Variants in MAGI2 observed in about 807,000 individuals in gnomAD.
MAGI2 encodes the protein membrane associated guanylate kinase, WW and PDZ domain containing 2, also known as membrane-associated guanylate kinase, WW and PDZ domain-containing protein 2.
MAGI2 carries 35 observed loss-of-function variants against 133.3 expected under a neutral mutation model. That is an observed-to-expected ratio of 0.26 (90% CI 0.20 to 0.35). The LOEUF (loss-of-function observed/expected upper bound fraction) is 0.35, where lower values mean the gene tolerates loss of function less well. Among genes scored for constraint, MAGI2 ranks in the 10% least tolerant of loss-of-function variants. The probability of loss-of-function intolerance (pLI) is 1.00; values close to 1 mark genes in which losing one functional copy is unlikely to be tolerated. For synonymous variants in MAGI2, 729 were observed against 710.6 expected (o/e 1.03, Z -0.41); for missense variants, 1,636 against 1,863.4 (o/e 0.88, Z 2.25).
chr7:78,770,418 A>T (rs552174462), intron 2 of MAGI2, among the ~76,000 whole-genome samples: 7 of 152,332 alleles, frequency 4.6e-5, no homozygotes, highest in African/African-American at 1.7e-4. Flanking sequence ...TTACGTGGGA[A>T]ATAAAGATAA....
intron 3 of MAGI2, among the ~76,000 whole-genome samples, chr7:78,600,907 A>G (rs1805130889): frequency 6.6e-6 from 1 of 152,222 alleles, no homozygotes; most frequent in Admixed American, 6.5e-5. Context: ...GAAGTTGAAA[A>G]TGATTGCCTC....
intron 1 of MAGI2, among the ~76,000 whole-genome samples, chr7:79,339,077 G>T (rs762053175): frequency 6.6e-5 from 10 of 152,074 alleles, no homozygotes; most frequent in Non-Finnish European, 1.3e-4. Flanking sequence ...GGAGGAGCAT[G>T]ATATTTATTT....
At chr7:78,658,428 C>G (rs1199917228) in intron 2 of MAGI2, among the ~76,000 whole-genome samples, 1 of 152,146 alleles carries the variant, frequency 6.6e-6, no homozygotes, top group Non-Finnish European at 1.5e-5. Context: ...AATTCTTAGA[C>G]TTGACACCAA....
intron 7 of MAGI2, among the ~76,000 whole-genome samples, chr7:78,363,347 G>C (rs961663481): frequency 6.6e-6 from 1 of 152,092 alleles, no homozygotes; most frequent in Non-Finnish European, 1.5e-5. Context: ...CAAAAAATTA[G>C]CAGGGCGCGG....
At chr7:78,367,242 T>C (rs1037701256) in intron 7 of MAGI2, among the ~76,000 whole-genome samples, 1 of 152,108 alleles carries the variant, frequency 6.6e-6, no homozygotes, top group Non-Finnish European at 1.5e-5. Context: ...AGAACACACA[T>C]CTCGATGATC....
chr7:79,183,287 T>C (rs1464233467), intron 1 of MAGI2, among the ~76,000 whole-genome samples: 1 of 151,888 alleles, frequency 6.6e-6, no homozygotes, highest in Admixed American at 6.6e-5. Flanking sequence ...ATATATTATG[T>C]ATGCAACGAA....
At chr7:78,569,627 T>TA (rs201296505) in intron 3 of MAGI2, among the ~76,000 whole-genome samples, 9 of 152,232 alleles carry the variant, frequency 5.9e-5, no homozygotes, top group East Asian at 1.9e-4. Context: ...CAGTAATATT[T>TA]AAAAAAAATA....
At chr7:79,170,129 ATAT>A (rs1321310337) in intron 1 of MAGI2, among the ~76,000 whole-genome samples, 28 of 132,272 alleles carry the variant, frequency 2.1e-4, no homozygotes, top group Non-Finnish European at 3.1e-5. Flanking sequence ...TTACTTTGAG[ATAT>A]TATACTTTTT....
At chr7:78,811,710 C>T (rs1023425260) in intron 2 of MAGI2, among the ~76,000 whole-genome samples, 2 of 152,164 alleles carry the variant, frequency 1.3e-5, no homozygotes, top group African/African-American at 4.8e-5. Flanking sequence ...TTAGAGAAGG[C>T]CAAATTTGGC....
intron 3 of MAGI2, among the ~76,000 whole-genome samples, chr7:78,523,776 T>TG (rs1488825713): frequency 6.6e-6 from 1 of 152,116 alleles, no homozygotes; most frequent in Non-Finnish European, 1.5e-5. Flanking sequence ...TACCACCACC[T>TG]GGTCTCTCCC....
Position 78,521,585 on chromosome 7 carries a change from G to C in MAGI2, c.599C>G (p.Thr200Arg), listed in dbSNP as rs780114111. The change falls in exon 4 of 22, where the codon ACA (threonine) becomes AGA (arginine). Residue 200 changes from threonine to arginine, a missense_variant. Thr to Arg is a moderately conservative substitution (Grantham distance 71). Transcript: ENST00000354212. ...AGTGGCTCCTGGAAGTATCTGGTCTGTTACATTTAACAATAATGGTGCTGG... is the reference window on the plus strand; with the variant it reads ...AGTGGCTCCTGGAAGTATCTGGTCTCTTACATTTAACAATAATGGTGCTGG... ...AEPAPLLLNV[T>R]DQILPGATPS... 3.1e-6 allele frequency: 5 copies of C among 1,613,934 alleles called. No individual in the cohort carries two copies. Among genetic ancestry groups the C allele is most frequent in the Non-Finnish European group, 4.2e-6 (5 of 1,180,012 alleles).
chr7:79,051,952 T>C (rs927289472), intron 1 of MAGI2, among the ~76,000 whole-genome samples: 48 of 152,218 alleles, frequency 3.2e-4, no homozygotes, highest in African/African-American at 1.2e-3. Flanking sequence ...CAGAGATTTT[T>C]TTGTAGGCCT....
intron 21 of MAGI2, among the ~76,000 whole-genome samples, chr7:78,025,606 G>A (rs562724091): frequency 2.4e-4 from 36 of 152,274 alleles, no homozygotes; most frequent in African/African-American, 4.8e-4. Context: ...CAGGGCAAAG[G>A]ATTTTCATTT....
At chr7:78,675,308 T>C (rs570631911) in intron 2 of MAGI2, among the ~76,000 whole-genome samples, 1 of 151,778 alleles carries the variant, frequency 6.6e-6, no homozygotes. Context: ...TGTGATTCCA[T>C]GTAGTTAAAA....
At chr7:78,594,486 T>G (rs1016320570) in intron 3 of MAGI2, among the ~76,000 whole-genome samples, 3 of 151,924 alleles carry the variant, frequency 2.0e-5, no homozygotes, top group Non-Finnish European at 4.4e-5. Context: ...TGAGACAGAG[T>G]CTTGCTCTGT....
At chr7:78,372,365 C>G (rs1362634023) in intron 6 of MAGI2, among the ~76,000 whole-genome samples, 5 of 152,126 alleles carry the variant, frequency 3.3e-5, no homozygotes, top group African/African-American at 1.2e-4. Context: ...AACAAAACAA[C>G]TGCTGCTTCT....
intron 2 of MAGI2, among the ~76,000 whole-genome samples, chr7:78,821,085 C>T (rs917704568): frequency 1.3e-5 from 2 of 152,008 alleles, no homozygotes; most frequent in Non-Finnish European, 2.9e-5. Context: ...TTAGAAACAG[C>T]ATTTGATTAG....
intron 9 of MAGI2, among the ~76,000 whole-genome samples, chr7:78,263,931 T>C (rs1793755396): frequency 6.6e-6 from 1 of 152,172 alleles, no homozygotes; most frequent in African/African-American, 2.4e-5. Context: ...CCAGTCTCTG[T>C]GCTCTTGTTT....
chr7:78,764,146 G>A (rs193073302), intron 2 of MAGI2, among the ~76,000 whole-genome samples: 8 of 152,286 alleles, frequency 5.3e-5, no homozygotes, highest in Non-Finnish European at 1.0e-4. Context: ...TGACTGTAAT[G>A]AAATGGAAAT....
Sources: allele counts gnomAD v4.1 joint callset (sites outside exome capture counted in the v4.1 genomes callset), GRCh38; gene constraint gnomAD v4.1.1; transcripts MANE v1.5; gene names NCBI Gene and HGNC (gene_info 2026-07-23, HGNC 2026-07-21).